ATP2C2: variants seen among roughly 807,000 people sequenced by gnomAD.
ATP2C2 encodes calcium-transporting ATPase type 2C member 2.
In ATP2C2, 171 loss-of-function variants were observed where a neutral mutation model predicts 110.8. That is an observed-to-expected ratio of 1.54 (90% CI 1.36 to 1.75). ATP2C2 has a LOEUF of 1.75. Among genes scored for constraint, ATP2C2 ranks in the 40% most tolerant of loss-of-function variants. The pLI, the probability that ATP2C2 is intolerant of heterozygous loss-of-function variation, is 0.00. For missense variants in ATP2C2, 1,963 were observed against 1,235.0 expected (o/e 1.59, Z -8.84); for synonymous variants, 804 against 508.4 (o/e 1.58, Z -7.82).
chr16:84,379,180 C>A (rs1910429097), intron 1 of ATP2C2, among the ~76,000 whole-genome samples: 1 of 150,858 alleles, frequency 6.6e-6, no homozygotes, highest in Non-Finnish European at 1.5e-5. Flanking sequence ...CTCCCCTCTC[C>A]TGTCGTTTCC....
At chr16:84,441,319 C>G (rs909409091) in intron 14 of ATP2C2, among the ~76,000 whole-genome samples, 1 of 152,170 alleles carries the variant, frequency 6.6e-6, no homozygotes, top group Non-Finnish European at 1.5e-5. Context: ...AGCCTCTGTA[C>G]TCATCACTGC....
chr16:84,409,307 G>T (rs1906062515), intron 4 of ATP2C2, among the ~76,000 whole-genome samples: 1 of 152,192 alleles, frequency 6.6e-6, no homozygotes, highest in African/African-American at 2.4e-5. Flanking sequence ...CATAGGGTCA[G>T]GGGGCTGGGG....
At chr16:84,396,062 A>G (rs1158833418) in intron 1 of ATP2C2, among the ~76,000 whole-genome samples, 4 of 152,108 alleles carry the variant, frequency 2.6e-5, no homozygotes, top group Admixed American at 6.6e-5. Flanking sequence ...CTGGAGTCCT[A>G]TAGGATTTGT....
rs531774189 is a variant in ATP2C2, at chr16:84,368,875, A to G, written c.99+161A>G. On this transcript the variant is annotated intron_variant, in intron 1 of 26. Transcript: ENST00000262429. ...CTGTCCTCACAGCAACCGCGCTCTCATCTGCGCTCTGGCGCGGGGAGCTCA... is the reference window on the plus strand; with the variant it reads ...CTGTCCTCACAGCAACCGCGCTCTCGTCTGCGCTCTGGCGCGGGGAGCTCA... Among the ~76,000 whole-genome samples the G allele has an allele frequency of 9.2e-5, 14 of 152,202 alleles. No individual in the cohort carries two copies. In the South Asian group the frequency reaches 2.9e-3, roughly 32 times the overall value.
rs139811715 is a variant in ATP2C2, at chr16:84,460,010, C to T, written c.2333+624C>T. The stretch of plus-strand genomic sequence containing the variant: ...ACCCATCTGGCCACGTGTGCGTAAC[C>T]GTATGAGCACAGAGCCAGTGCTTCC... On this transcript the variant is annotated intron_variant, in intron 23 of 26. Transcript: ENST00000262429. The T allele has an allele frequency of 4.5e-3, 1,037 of 228,416 alleles. 12 individuals are homozygous for T. The highest frequency in any genetic ancestry group is 0.022 in the African/African-American group (961 of 44,590). 14.1% of individuals were successfully genotyped at this position (228,416 alleles called of 1,614,324 possible).
At chr16:84,461,051 G>A (rs763222432) in intron 24 of ATP2C2, 41 of 496,798 alleles carry the variant, frequency 8.3e-5, no homozygotes, top group Non-Finnish European at 1.2e-4. Context: ...TGACTTTGCC[G>A]AGACGGGAGT....
rs548418894 is a variant in ATP2C2 at position 84,408,146 on chromosome 16, C to T, written c.328-259C>T. 4.6e-5 allele frequency among the ~76,000 whole-genome samples: 7 copies of T among 152,276 alleles called. No homozygotes were observed. In the South Asian group the frequency reaches 1.0e-3, roughly 23 times the overall value. On this transcript the variant is annotated intron_variant, in intron 3 of 26. Coordinates refer to ENST00000262429, the MANE Select transcript of ATP2C2 (RefSeq NM_014861.4). ...GTCATGGAGATGTGGAGAGGCGAGA[C>T]CAAGAACTCAAAGGCAGGGCTGAGG... is the stretch of plus-strand genomic sequence containing the variant.
chr16:84,452,111 G>C lies in ATP2C2; in HGVS notation c.1831+20G>C, dbSNP rs778250127. On this transcript the variant is annotated intron_variant, in intron 18 of 26. Coordinates refer to ENST00000262429, the MANE Select transcript of ATP2C2 (RefSeq NM_014861.4). ...CCATAGGTAACTGGGACAGGGTCGG[G>C]GGTGAGGACGAAAGGACCCATCCAT... is the stretch of plus-strand genomic sequence containing the variant. The C allele has an allele frequency of 3.1e-6, 5 of 1,613,484 alleles. No individual in the cohort carries two copies. The Admixed American group carries it at 5.0e-5, about 16-fold the overall frequency.
At chr16:84,433,169 C>G (rs527303619) in intron 11 of ATP2C2, among the ~76,000 whole-genome samples, 27 of 152,112 alleles carry the variant, frequency 1.8e-4, no homozygotes, top group Middle Eastern at 3.4e-3. Context: ...CCCTTGAGCC[C>G]AGGAGTTTGA....
chr16:84,412,046 G>C (rs542369677), intron 6 of ATP2C2, among the ~76,000 whole-genome samples: 1 of 148,434 alleles, frequency 6.7e-6, no homozygotes, highest in South Asian at 2.1e-4. Flanking sequence ...GTCTGGCTCT[G>C]TTGCCTAGGC....
chr16:84,424,347 C>T (rs1907609478), intron 10 of ATP2C2, among the ~76,000 whole-genome samples: 1 of 152,162 alleles, frequency 6.6e-6, no homozygotes, highest in Non-Finnish European at 1.5e-5. Context: ...GGCGTGATCT[C>T]AGCTCACTGC....
chr16:84,403,647 T>C (rs180934254), intron 2 of ATP2C2, among the ~76,000 whole-genome samples: 3 of 152,244 alleles, frequency 2.0e-5, no homozygotes, highest in African/African-American at 4.8e-5. Flanking sequence ...GCATTAAGTA[T>C]AGTCACACTG....
intron 7 of ATP2C2, among the ~76,000 whole-genome samples, chr16:84,419,728 G>A (rs990860230): frequency 5.9e-5 from 9 of 152,098 alleles, no homozygotes; most frequent in African/African-American, 2.2e-4. Flanking sequence ...TACGTATGAG[G>A]CCCTGGGCTG....
At chr16:84,415,692 C>G in intron 7 of ATP2C2, 101 bp downstream of exon 7, 5 of 891,580 alleles carry the variant, frequency 5.6e-6, no homozygotes, top group Non-Finnish European at 8.6e-6. Flanking sequence ...CTCATACACA[C>G]ATGCTCAAAC....
chr16:84,458,454 C>G (rs1381162997), intron 21 of ATP2C2, among the ~76,000 whole-genome samples: 1 of 143,654 alleles, frequency 7.0e-6, no homozygotes, highest in Non-Finnish European at 1.5e-5. Flanking sequence ...ATGTAACTAA[C>G]CTGCACAATG....
chr16:84,452,144 G>C (rs535055084), intron 18 of ATP2C2, 53 bp downstream of exon 18: 1 of 1,597,984 alleles, frequency 6.3e-7, no homozygotes, highest in Non-Finnish European at 8.5e-7. Flanking sequence ...CATCCTTTAC[G>C]ATGGGGGGCT....
intron 6 of ATP2C2, among the ~76,000 whole-genome samples, chr16:84,411,654 C>G (rs962196952): frequency 6.6e-6 from 1 of 152,200 alleles, no homozygotes; most frequent in African/African-American, 2.4e-5. Context: ...GTTGGCTAGG[C>G]TCGTCTCGAC....
At chr16:84,428,497 C>T (rs16973773) in intron 11 of ATP2C2, among the ~76,000 whole-genome samples, 2 of 152,090 alleles carry the variant, frequency 1.3e-5, no homozygotes, top group South Asian at 4.1e-4. Flanking sequence ...CTTTGTCACT[C>T]AGTGTATTTA....
rs1205932423 is a variant in ATP2C2 at position 84,463,610 on chromosome 16, G to A, written c.2723-4G>A. ...TGAATCTTTTCTGTTTTCTCCCTTGGCAGATTTGCTGTTTTTAACTGGATT... is the reference window on the plus strand; with the variant it reads ...TGAATCTTTTCTGTTTTCTCCCTTGACAGATTTGCTGTTTTTAACTGGATT... On this transcript the variant is annotated splice_region_variant and splice_polypyrimidine_tract_variant and intron_variant, in intron 26 of 26. Transcript: ENST00000262429. 1 of 1,611,118 alleles carries A rather than the reference G, an allele frequency of 6.2e-7. No homozygotes were observed. The highest frequency in any genetic ancestry group is 8.5e-7 in the Non-Finnish European group (1 of 1,177,396).
Sources: gnomAD v4.1 joint callset for allele counts (sites outside exome capture counted in the v4.1 genomes callset) on GRCh38, gnomAD v4.1.1 for gene constraint, MANE v1.5 for transcripts, NCBI Gene and HGNC (gene_info 2026-07-23, HGNC 2026-07-21) for gene names.